The following VWC2L variants were observed in gnomAD, a reference collection of about 807,000 sequenced individuals.
VWC2L encodes von Willebrand factor C domain-containing protein 2-like.
Under a neutral mutation model 21.6 loss-of-function variants are expected in VWC2L, and 10 were observed. The observed-to-expected ratio is 0.46, with a 90% CI of 0.29 to 0.78. VWC2L has a LOEUF of 0.78. Ranked by LOEUF, VWC2L falls within the 30% of genes least tolerant of loss-of-function variation. The probability of loss-of-function intolerance (pLI) is 0.10; values close to 1 mark genes in which losing one functional copy is unlikely to be tolerated. For missense variants in VWC2L, 209 were observed against 277.1 expected, an observed-to-expected ratio of 0.75 and a Z score of 1.74; for synonymous variants, 96 against 94.3, an observed-to-expected ratio of 1.02 and a Z score of -0.10.
chr2:214,516,695 T>C (rs1018193834), intron 3 of VWC2L, among the ~76,000 whole-genome samples: 2 of 150,520 alleles, frequency 1.3e-5, no homozygotes, highest in African/African-American at 4.9e-5. Context: ...GAAATGTATA[T>C]AAAGCTAGTT....
chr2:214,520,735 T>A (rs1689224623), intron 3 of VWC2L, among the ~76,000 whole-genome samples: 1 of 152,190 alleles, frequency 6.6e-6, no homozygotes, highest in African/African-American at 2.4e-5. Flanking sequence ...TTTTTGATGC[T>A]ATATTGCATT....
chr2:214,552,367 G>C lies in VWC2L; in HGVS notation c.521-23305G>C, dbSNP rs572473813. ...CTCTTCAAACTGAGCCTTCCTGACT[G>C]TGTAATCAACATGCTTTTTTTTTCC... On this transcript the variant is annotated intron_variant, in intron 3 of 3. Coordinates refer to ENST00000312504, the MANE Select transcript of VWC2L (RefSeq NM_001080500.4). Among the ~76,000 whole-genome samples the C allele has an allele frequency of 1.2e-3, 182 of 152,258 alleles. 1 individual carries two copies. Among genetic ancestry groups the C allele is most frequent in the African/African-American group, 4.2e-3 (176 of 41,554 alleles).
At chr2:214,496,088 C>T (rs1002803159) in intron 3 of VWC2L, among the ~76,000 whole-genome samples, 1 of 151,974 alleles carries the variant, frequency 6.6e-6, no homozygotes, top group Non-Finnish European at 1.5e-5. Flanking sequence ...TATACTGTAG[C>T]CTAGGAATAA....
At chr2:214,461,841 C>T (rs1042739738) in intron 3 of VWC2L, among the ~76,000 whole-genome samples, 10 of 152,134 alleles carry the variant, frequency 6.6e-5, no homozygotes, top group African/African-American at 1.9e-4. Context: ...CCAGGACAGT[C>T]GCAGTGGCTC....
At chr2:214,529,147 T>C (rs1689392943) in intron 3 of VWC2L, among the ~76,000 whole-genome samples, 1 of 152,160 alleles carries the variant, frequency 6.6e-6, no homozygotes, top group African/African-American at 2.4e-5. Context: ...TCCAACGCTC[T>C]TGCCACCTTA....
intron 3 of VWC2L, among the ~76,000 whole-genome samples, chr2:214,454,593 A>ATTTTT (rs1703025765): frequency 3.3e-5 from 2 of 59,760 alleles, no homozygotes; most frequent in East Asian, 1.3e-3. Context: ...ACATTGATTG[A>ATTTTT]TTTTCTTTTT....
chr2:214,470,916 C>CAAAAAAAAAAAAAAAAAAAAAAAAA lies in VWC2L; in HGVS notation c.520+34161_520+34185dup, dbSNP rs56041924. Among the ~76,000 whole-genome samples, 5 of 50,794 alleles carry CAAAAAAAAAAAAAAAAAAAAAAAAA rather than the reference C, an allele frequency of 9.8e-5. 1 individual carries two copies. Among genetic ancestry groups the CAAAAAAAAAAAAAAAAAAAAAAAAA allele is most frequent in the African/African-American group, 5.0e-4 (5 of 9,962 alleles). The allele number at this position is 50,794 out of a possible 152,430, so 33.3% of individuals were successfully genotyped here. ...TGGGCAACAGAGTGAAACTCCATCT[C>CAAAAAAAAAAAAAAAAAAAAAAAAA]AAAAAAAAAAAAAAAAAAAAAAAAA... On this transcript the variant is annotated intron_variant, in intron 3 of 3. Transcript: ENST00000312504.
intron 3 of VWC2L, among the ~76,000 whole-genome samples, chr2:214,486,750 G>T (rs1211465652): frequency 1.3e-5 from 2 of 152,068 alleles, no homozygotes; most frequent in Non-Finnish European, 2.9e-5. Flanking sequence ...GCCTAAAGCT[G>T]TCACTACTCT....
At chr2:214,493,694 C>T (rs886504158) in intron 3 of VWC2L, among the ~76,000 whole-genome samples, 9 of 152,126 alleles carry the variant, frequency 5.9e-5, no homozygotes, top group South Asian at 2.1e-4. Flanking sequence ...CCTCCATAAC[C>T]AGGAAAGAGG....
intron 3 of VWC2L, among the ~76,000 whole-genome samples, chr2:214,486,180 G>A (rs574257302): frequency 6.6e-6 from 1 of 152,270 alleles, no homozygotes; most frequent in Admixed American, 6.5e-5. Flanking sequence ...ATCCTGATAA[G>A]GAATGTCACA....
intron 3 of VWC2L, among the ~76,000 whole-genome samples, chr2:214,461,696 C>T (rs1162046721): frequency 1.3e-5 from 2 of 152,122 alleles, no homozygotes; most frequent in Non-Finnish European, 2.9e-5. Flanking sequence ...TGTCCTCAAG[C>T]TCCCTAGTGG....
chr2:214,475,173 A>G (rs1433823148), intron 3 of VWC2L, among the ~76,000 whole-genome samples: 1 of 152,182 alleles, frequency 6.6e-6, no homozygotes, highest in Admixed American at 6.5e-5. Flanking sequence ...CGGGACATTA[A>G]AAAGAAAATA....
At position 214,577,129 on chromosome 2, in the gene VWC2L, A is replaced by C. The variant is rs1559336986; in HGVS notation, c.*1309A>C. 1 of 152,194 alleles carries C rather than the reference A, an allele frequency of 6.6e-6. No individual in the cohort carries two copies. Among genetic ancestry groups the C allele is most frequent in the Non-Finnish European group, 1.5e-5 (1 of 68,040 alleles). The allele number at this position is 152,194 out of a possible 1,614,324, so 9.4% of individuals were successfully genotyped here. ...ATTAACAATTCTGAAACCACATGGC[A>C]TAGTTAGTCGCTTATTCCATGCTCC... On this transcript the variant is annotated 3_prime_UTR_variant, in exon 4 of 4. Coordinates refer to ENST00000312504, the MANE Select transcript of VWC2L (RefSeq NM_001080500.4).
chr2:214,548,620 A>G (rs896729604), intron 3 of VWC2L, among the ~76,000 whole-genome samples: 4 of 152,218 alleles, frequency 2.6e-5, no homozygotes, highest in African/African-American at 7.2e-5. Flanking sequence ...TGCTTTAGTC[A>G]AATCCAACCA....
intron 2 of VWC2L, among the ~76,000 whole-genome samples, chr2:214,424,797 ATT>A (rs1231373922): frequency 6.6e-6 from 1 of 152,120 alleles, no homozygotes; most frequent in Non-Finnish European, 1.5e-5. Flanking sequence ...ATGAAAATCT[ATT>A]TTTTCTCAGC....
intron 3 of VWC2L, among the ~76,000 whole-genome samples, chr2:214,442,033 T>G (rs1405462714): frequency 6.6e-6 from 1 of 151,910 alleles, no homozygotes; most frequent in Non-Finnish European, 1.5e-5. Flanking sequence ...TGCCTCAGCC[T>G]CCCAAGTAGC....
chr2:214,563,885 A>C (rs1185109773), intron 3 of VWC2L, among the ~76,000 whole-genome samples: 7 of 152,180 alleles, frequency 4.6e-5, no homozygotes, highest in Non-Finnish European at 5.9e-5. Context: ...AAATAGCAAG[A>C]GAGGAAGTCA....
intron 3 of VWC2L, among the ~76,000 whole-genome samples, chr2:214,461,399 G>A (rs13403046): frequency 1.9e-3 from 291 of 152,252 alleles, no homozygotes; most frequent in African/African-American, 6.7e-3. Flanking sequence ...TAATGGTGGC[G>A]GTGATGAGCT....
chr2:214,520,061 A>ACACACACACACACACG (rs1242967608), intron 3 of VWC2L, among the ~76,000 whole-genome samples: 12 of 141,900 alleles, frequency 8.5e-5, no homozygotes, highest in East Asian at 6.5e-4. Flanking sequence ...CCTGTTATAC[A>ACACACACACACACACG]CACACACACA....
Sources: gnomAD v4.1 joint callset for allele counts (sites outside exome capture counted in the v4.1 genomes callset) on GRCh38, gnomAD v4.1.1 for gene constraint, MANE v1.5 for transcripts, NCBI Gene and HGNC (gene_info 2026-07-23, HGNC 2026-07-21) for gene names.